UHRF2: variants seen among roughly 807,000 people sequenced by gnomAD.
The protein encoded by UHRF2 is ubiquitin like with PHD and ring finger domains 2, also known as E3 ubiquitin-protein ligase UHRF2.
In UHRF2, 23 loss-of-function variants were observed where a neutral mutation model predicts 96.8. The observed-to-expected ratio is 0.24, with a 90% confidence interval of 0.17 to 0.34. The LOEUF (loss-of-function observed/expected upper bound fraction) is 0.34, where lower values mean the gene tolerates loss of function less well. Among genes scored for constraint, UHRF2 ranks in the 10% least tolerant of loss-of-function variants. The probability of loss-of-function intolerance (pLI) is 1.00; values close to 1 mark genes in which losing one functional copy is unlikely to be tolerated. For missense variants in UHRF2, 685 were observed against 981.5 expected, an observed-to-expected ratio of 0.70 and a Z score of 4.04; for synonymous variants, 385 against 332.6, an observed-to-expected ratio of 1.16 and a Z score of -1.72.
Position 6,502,833 on chromosome 9 carries a change from T to G in UHRF2, c.2164-1760T>G, listed in dbSNP as rs1363876849. Among the ~76,000 whole-genome samples the G allele has an allele frequency of 2.0e-5, 3 of 152,298 alleles. No homozygotes were observed. The East Asian group carries it at 5.8e-4, about 29-fold the overall frequency. On this transcript the variant is annotated intron_variant, in intron 14 of 15. Transcript: ENST00000276893. ...GGGAGAGAGTACCTGTTATAAAGTT[T>G]CCAGCATCTCCACATAATTGCCATA...
At chr9:6,413,713 G>C in intron 1 of UHRF2, 70 bp downstream of exon 1, 1 of 1,376,304 alleles carries the variant, frequency 7.3e-7, no homozygotes, top group South Asian at 1.6e-5. Flanking sequence ...GGACGCACCG[G>C]TCCGAGGGCT....
chr9:6,442,784 C>T (rs1587799234), intron 3 of UHRF2, among the ~76,000 whole-genome samples: 1 of 152,024 alleles, frequency 6.6e-6, no homozygotes, highest in Non-Finnish European at 1.5e-5. Flanking sequence ...AGCCACTGTG[C>T]CTGGCATGGC....
intron 2 of UHRF2, chr9:6,422,947 C>G (rs1430561283): frequency 3.2e-6 from 1 of 316,340 alleles, no homozygotes; most frequent in Non-Finnish European, 5.7e-6. Flanking sequence ...TAACCAGCAA[C>G]CTTTTCAAAT....
chr9:6,490,646 ATTATC>A (rs1318319069), intron 9 of UHRF2, among the ~76,000 whole-genome samples: 3 of 152,160 alleles, frequency 2.0e-5, no homozygotes, highest in Non-Finnish European at 4.4e-5. Flanking sequence ...AGAAAAGAAT[ATTATC>A]TTAAATATAT....
intron 4 of UHRF2, among the ~76,000 whole-genome samples, chr9:6,474,167 G>A (rs1189381231): frequency 6.6e-6 from 1 of 152,204 alleles, no homozygotes; most frequent in African/African-American, 2.4e-5. Flanking sequence ...TCTGTCATTG[G>A]TGGTCACAAC....
At chr9:6,430,349 C>G (rs1229552390) in intron 2 of UHRF2, among the ~76,000 whole-genome samples, 3 of 152,166 alleles carry the variant, frequency 2.0e-5, no homozygotes, top group Non-Finnish European at 4.4e-5. Context: ...GAATGCAGCT[C>G]TTAAGTGTAG....
chr9:6,452,192 G>A (rs1821915381), intron 3 of UHRF2, among the ~76,000 whole-genome samples: 1 of 151,958 alleles, frequency 6.6e-6, no homozygotes, highest in Non-Finnish European at 1.5e-5. Flanking sequence ...GTTATCTTAA[G>A]GGTTTCTGTT....
chr9:6,424,261 G>C (rs940268619), intron 2 of UHRF2, among the ~76,000 whole-genome samples: 7 of 152,206 alleles, frequency 4.6e-5, no homozygotes, highest in African/African-American at 1.7e-4. Context: ...GCTGCTGATA[G>C]CTCAAGGAAT....
intron 5 of UHRF2, among the ~76,000 whole-genome samples, chr9:6,475,719 A>G (rs1298222062): frequency 6.6e-6 from 1 of 152,112 alleles, no homozygotes. Flanking sequence ...TTGGTATTTT[A>G]TTGCTATTAT....
At chr9:6,472,696 G>A (rs974636249) in intron 4 of UHRF2, among the ~76,000 whole-genome samples, 4 of 152,174 alleles carry the variant, frequency 2.6e-5, no homozygotes, top group Non-Finnish European at 5.9e-5. Flanking sequence ...GACACAGTTA[G>A]CTATATTATA....
intron 9 of UHRF2, chr9:6,492,239 C>T (rs544780551): frequency 3.0e-6 from 2 of 672,344 alleles, no homozygotes; most frequent in East Asian, 7.1e-5. Flanking sequence ...TTACATTTGT[C>T]TTATTATGCT....
At chr9:6,477,279 C>T (rs1405906246) in intron 5 of UHRF2, among the ~76,000 whole-genome samples, 2 of 150,648 alleles carry the variant, frequency 1.3e-5, no homozygotes, top group African/African-American at 2.4e-5. Flanking sequence ...AATCCCAGCA[C>T]TTTGGGAGGT....
chr9:6,463,641 T>C (rs937275460), intron 4 of UHRF2, among the ~76,000 whole-genome samples: 36 of 152,094 alleles, frequency 2.4e-4, no homozygotes, highest in Admixed American at 5.2e-4. Context: ...CATCTCATTT[T>C]TTGTATTTTA....
chr9:6,416,489 G>T (rs964473099), intron 1 of UHRF2, among the ~76,000 whole-genome samples: 1 of 151,358 alleles, frequency 6.6e-6, no homozygotes, highest in Non-Finnish European at 1.5e-5. Context: ...GCACGCGGGG[G>T]ATTGGGTCTT....
intron 2 of UHRF2, among the ~76,000 whole-genome samples, chr9:6,433,169 G>GT (rs1335678770): frequency 1.3e-5 from 2 of 152,080 alleles, no homozygotes; most frequent in African/African-American, 4.8e-5. Context: ...GAGAGGATTT[G>GT]TTTTTTAAAC....
chr9:6,439,262 G>A (rs193298951), intron 3 of UHRF2, among the ~76,000 whole-genome samples: 20 of 152,308 alleles, frequency 1.3e-4, no homozygotes, highest in African/African-American at 4.6e-4. Context: ...TTGACTCACT[G>A]CAACTTCTGT....
chr9:6,487,171 A>ATTTTTTATTTTTTATTTTTTATTT (rs1824337943), intron 9 of UHRF2, among the ~76,000 whole-genome samples: 25 of 83,824 alleles, frequency 3.0e-4, no homozygotes, highest in African/African-American at 1.2e-3. Flanking sequence ...TAGAGCTTTT[A>ATTTTTTATTTTTTATTTTTTATTT]TTTTTTTTTC....
chr9:6,434,360 G>A (rs1320208484), intron 3 of UHRF2, 187 bp downstream of exon 3: 3 of 607,832 alleles, frequency 4.9e-6, no homozygotes, highest in Non-Finnish European at 8.1e-6. Flanking sequence ...ATTATCTCTG[G>A]TTCTTAAGTG....
At chr9:6,468,134 C>T (rs1033867716) in intron 4 of UHRF2, among the ~76,000 whole-genome samples, 2 of 152,002 alleles carry the variant, frequency 1.3e-5, no homozygotes, top group Admixed American at 6.6e-5. Flanking sequence ...TTACAAGTAT[C>T]GGCCTATTAG....
Sources: allele counts gnomAD v4.1 joint callset (sites outside exome capture counted in the v4.1 genomes callset), GRCh38; gene constraint gnomAD v4.1.1; transcripts MANE v1.5; gene names NCBI Gene and HGNC (gene_info 2026-07-23, HGNC 2026-07-21).